The following GEMIN5 variants were observed in gnomAD, a reference collection of about 807,000 sequenced individuals.
GEMIN5 encodes gem-associated protein 5.
In GEMIN5, 124 loss-of-function variants were observed where a neutral mutation model predicts 176.9. The ratio of observed to expected loss-of-function variants is 0.70; its 90% CI spans 0.61 to 0.81. GEMIN5 has a LOEUF of 0.81. Ranked by LOEUF, GEMIN5 falls within the 40% of genes least tolerant of loss-of-function variation. The pLI is 0.00. For synonymous variants in GEMIN5, 673 were observed against 665.2 expected (o/e 1.01, Z -0.18); for missense variants, 1,843 against 1,814.6 (o/e 1.02, Z -0.28).
intron 24 of GEMIN5, 126 bp from the exon 25 acceptor site, chr5:154,892,675 CTT>C (rs1413907072): frequency 2.6e-5 from 23 of 884,756 alleles, no homozygotes; most frequent in Non-Finnish European, 2.9e-5. Context: ...GAAAGTTCCT[CTT>C]GTCTCCGCCA....
At chr5:154,923,080 T>C (rs1257260000) in intron 9 of GEMIN5, among the ~76,000 whole-genome samples, 3 of 152,098 alleles carry the variant, frequency 2.0e-5, no homozygotes, top group African/African-American at 7.2e-5. Context: ...AAGAACTGCA[T>C]ATACAAAGGA....
At chr5:154,906,515 T>C (rs1763571920) in intron 16 of GEMIN5, among the ~76,000 whole-genome samples, 1 of 152,206 alleles carries the variant, frequency 6.6e-6, no homozygotes, top group South Asian at 2.1e-4. Context: ...ACAGGAACTT[T>C]TTAAAAACAA....
At chr5:154,898,694 T>G (rs759293887) in intron 22 of GEMIN5, 44 bp from the exon 23 acceptor site, 51 of 1,409,304 alleles carry the variant, frequency 3.6e-5, no homozygotes, top group Non-Finnish European at 5.1e-5. Context: ...ACAAACAGAT[T>G]TTTATTCCCA....
chr5:154,921,357 G>T lies in GEMIN5; in HGVS notation c.1448C>A (p.Pro483His). Residue 483 changes from proline (P) to histidine (H), a missense_variant, in exon 10 of 28, where the codon CCC becomes CAC. By Grantham distance (77) the Pro-to-His change is moderately conservative. Coordinates refer to ENST00000285873, the MANE Select transcript of GEMIN5 (RefSeq NM_015465.5). The part of the protein sequence containing the change: ...VYTLAWGPPV[P>H]PMSLGGEGDR... ...CAGATACTTACCAAGTGACATGGGG[G>T]GTACTGGTGGCCCCCAGGCTAAAGT... The T allele has an allele frequency of 7.3e-7, 1 of 1,362,806 alleles. No individual in the cohort carries two copies. Among genetic ancestry groups the T allele is most frequent in the Non-Finnish European group, 1.0e-6 (1 of 957,566 alleles). 84.4% of individuals were successfully genotyped at this position (1,362,806 alleles called of 1,614,324 possible).
rs1354890560 is a variant in GEMIN5 at position 154,896,096 on chromosome 5, T to G, written c.3593A>C (p.Lys1198Thr). The G allele has an allele frequency of 6.2e-7, 1 of 1,613,146 alleles. No homozygotes were observed. The highest frequency in any genetic ancestry group is 1.1e-5 in the South Asian group (1 of 90,808). Residue 1198 changes from lysine (K) to threonine (T), a missense_variant, in exon 24 of 28, where the codon AAA becomes ACA. Physicochemically the swap from Lys to Thr is moderately conservative, Grantham distance 78. Coordinates refer to ENST00000285873, the MANE Select transcript of GEMIN5 (RefSeq NM_015465.5). ...ATGCTGGTACAGATGGCTTACCTGT[T>G]TGGCAGGTGTGTTATTTGTAGCAGA... The part of the protein sequence containing the change: ...YPSATNNTPA[K>T]QLLLHICHDL...
At chr5:154,899,987 C>A (rs879890805) in intron 21 of GEMIN5, among the ~76,000 whole-genome samples, 20 of 150,992 alleles carry the variant, frequency 1.3e-4, no homozygotes, top group South Asian at 1.0e-3. Flanking sequence ...GGGTATTTGG[C>A]AGATGTTTTT....
rs369129323 is a variant in GEMIN5, at chr5:154,928,590, C to G, written c.851G>C (p.Arg284Pro). ...GGGIDPTVKE[R>P]LWLTLHWPSN... is the part of the protein sequence containing the mutation. ...GGGCCAATGGAGTGTCAACCAAAGGCGCTCTTTAACAGTTGGGTCTATACC... is the reference window on the plus strand; with the variant it reads ...GGGCCAATGGAGTGTCAACCAAAGGGGCTCTTTAACAGTTGGGTCTATACC... The change falls in exon 6 of 28, where the codon CGC becomes CCC. Residue 284 changes from arginine (R) to proline (P), a missense_variant. By Grantham distance (103) the Arg-to-Pro change is moderately radical (BLOSUM62 -2). Transcript: ENST00000285873. 22 of 1,613,608 alleles carry G rather than the reference C, an allele frequency of 1.4e-5. No individual in the cohort carries two copies. The highest frequency in any genetic ancestry group is 1.7e-5 in the Non-Finnish European group (20 of 1,179,634).
intron 13 of GEMIN5, among the ~76,000 whole-genome samples, chr5:154,915,011 G>A (rs1396023730): frequency 6.6e-6 from 1 of 152,056 alleles, no homozygotes; most frequent in Non-Finnish European, 1.5e-5. Context: ...AAATTAAAAT[G>A]GATTCTGGCA....
chr5:154,914,833 T>C (rs1193653393), intron 13 of GEMIN5, among the ~76,000 whole-genome samples: 1 of 152,192 alleles, frequency 6.6e-6, no homozygotes, highest in East Asian at 1.9e-4. Context: ...ACTAACAAAC[T>C]GATAATTGGT....
chr5:154,901,931 G>C (rs923653660), intron 20 of GEMIN5, among the ~76,000 whole-genome samples: 2 of 152,166 alleles, frequency 1.3e-5, no homozygotes, highest in South Asian at 2.1e-4. Flanking sequence ...CTCCCGAGTA[G>C]CGGGGACTAC....
chr5:154,938,092 C>CTCTTT lies in GEMIN5; in HGVS notation c.41_42insAAAGA (p.Trp14Ter). On this transcript the variant is annotated stop_gained and frameshift_variant, in exon 1 of 28. Transcript: ENST00000285873. LOFTEE classifies it high-confidence loss of function. ...CGGCATCGCTGCAGCGGGCGCAGTA[C>CTCTTT]CAGTTGGGGGAGGGCGGCAGCGTCC... 6.8e-7 allele frequency: 1 copy of CTCTTT among 1,480,998 alleles called. No individual in the cohort carries two copies. Among genetic ancestry groups the CTCTTT allele is most frequent in the Non-Finnish European group, 8.9e-7 (1 of 1,118,144 alleles). 91.7% of individuals were successfully genotyped at this position (1,480,998 alleles called of 1,614,324 possible). A position where few individuals can be genotyped will look rare whatever the true frequency, so the allele number is the denominator to read the frequency against.
rs769567035 is a variant in GEMIN5 at position 154,888,271 on chromosome 5, A to T, written c.4466T>A (p.Leu1489His). ...AQEMQQQAQE[L>H]LQKYGNTKTY... ...TTTCGTGTTGCCGTATTTCTGAAGG[A>T]GCTCTTGGGCCTGCTGCTGCATTTC... is the stretch of plus-strand genomic sequence containing the variant. The change falls in exon 28 of 28, where the codon CTC (leucine) becomes CAC (histidine). Residue 1489 changes from leucine (L) to histidine (H), a missense_variant. Physicochemically the swap from Leu to His is moderately conservative, Grantham distance 99. Transcript: ENST00000285873. 1 of 1,614,084 alleles carries T rather than the reference A, an allele frequency of 6.2e-7. No individual in the cohort carries two copies. The highest frequency in any genetic ancestry group is 2.2e-5 in the East Asian group (1 of 44,884).
Position 154,899,199 on chromosome 5 carries a change from A to T in GEMIN5, c.3126T>A (p.Ala1042=), listed in dbSNP as rs1157820717. ...VLERDGHYAV[A]AKCYLGATCA... is the part of the protein sequence containing the mutation. The stretch of plus-strand genomic sequence containing the variant: ...CCACTCCTCAGGCTTACCATTTGGC[A>T]GCTACAGCATAGTGGCCATCTCTTT... Residue 1042 remains alanine, a synonymous_variant, in exon 22 of 28, where the codon GCT becomes GCA. Coordinates refer to ENST00000285873, the MANE Select transcript of GEMIN5 (RefSeq NM_015465.5). 5.0e-6 allele frequency: 8 copies of T among 1,610,478 alleles called. No individual in the cohort carries two copies. The highest frequency in any genetic ancestry group is 1.6e-4 in the Middle Eastern group (1 of 6,078).
Position 154,891,439 on chromosome 5 carries a change from G to C in GEMIN5, c.4064C>G (p.Thr1355Ser). Residue 1355 changes from threonine to serine, a missense_variant, in exon 26 of 28, where the codon ACT becomes AGT. Thr to Ser is a moderately conservative substitution (Grantham distance 58). Coordinates refer to ENST00000285873, the MANE Select transcript of GEMIN5 (RefSeq NM_015465.5). ...LTEEGERMLS[T>S]FKELFSEKHA... The stretch of plus-strand genomic sequence containing the variant: ...CTTTTCTGAAAAGAGCTCCTTAAAA[G>C]TACTCAGCATTCGCTCACCTTCTTC... The C allele has an allele frequency of 1.9e-6, 3 of 1,614,154 alleles. No homozygotes were observed. In the South Asian group the frequency reaches 3.3e-5, roughly 18 times the overall value.
intron 6 of GEMIN5, among the ~76,000 whole-genome samples, chr5:154,927,983 C>A (rs1248702481): frequency 6.6e-6 from 1 of 151,078 alleles, no homozygotes; most frequent in Non-Finnish European, 1.5e-5. Flanking sequence ...AGAGCAAGAC[C>A]CTGTTTCAAA....
intron 24 of GEMIN5, among the ~76,000 whole-genome samples, chr5:154,895,473 A>G (rs1451085592): frequency 6.6e-6 from 1 of 152,208 alleles, no homozygotes; most frequent in Non-Finnish European, 1.5e-5. Flanking sequence ...GCAAAACAAT[A>G]CATGTGGCAC....
chr5:154,937,214 T>A (rs891150455), intron 1 of GEMIN5, 29 bp from the exon 2 acceptor site: 5 of 1,560,256 alleles, frequency 3.2e-6, no homozygotes, highest in Non-Finnish European at 3.5e-6. Flanking sequence ...GCTAGGTTAA[T>A]CGAAGTGCTA....
chr5:154,916,440 C>T (rs894850244), intron 13 of GEMIN5, among the ~76,000 whole-genome samples: 1 of 152,024 alleles, frequency 6.6e-6, no homozygotes, highest in Admixed American at 6.6e-5. Flanking sequence ...ATATAGCAAG[C>T]CAATAACACT....
In GEMIN5 at chr5:154,889,309, T is replaced by G; in HGVS notation, c.4359+12A>C. The G allele has an allele frequency of 7.2e-7, 1 of 1,394,914 alleles. No individual in the cohort carries two copies. The highest frequency in any genetic ancestry group is 1.0e-6 in the Non-Finnish European group (1 of 980,144). 86.4% of individuals were successfully genotyped at this position (1,394,914 alleles called of 1,614,324 possible). On this transcript the variant is annotated intron_variant, in intron 27 of 27. Transcript: ENST00000285873. ...AGTGATGCTTTACCAAATGAACTGC[T>G]TTAACTCTTACCTTAATGCTCTCAG...
Sources: allele counts gnomAD v4.1 joint callset (sites outside exome capture counted in the v4.1 genomes callset), GRCh38; gene constraint gnomAD v4.1.1; transcripts MANE v1.5; gene names NCBI Gene and HGNC (gene_info 2026-07-23, HGNC 2026-07-21).